Variants in U2AF2 observed in about 807,000 individuals in gnomAD.
U2AF2 encodes U2 small nuclear RNA auxiliary factor 2.
A neutral mutation model predicts 52.6 loss-of-function variants in U2AF2; 6 were observed. The observed-to-expected ratio is 0.11, with a 90% CI of 0.06 to 0.23. The LOEUF (loss-of-function observed/expected upper bound fraction) is 0.23, where lower values mean the gene tolerates loss of function less well. U2AF2 is among the 10% of genes least tolerant of loss of function. The pLI is 1.00. For missense variants in U2AF2, 222 were observed against 677.1 expected (o/e 0.33, Z 7.46); for synonymous variants, 284 against 258.2 (o/e 1.10, Z -0.96).
chr19:55,665,841 G>A (rs898602995), intron 7 of U2AF2, among the ~76,000 whole-genome samples: 3 of 152,176 alleles, frequency 2.0e-5, no homozygotes, highest in African/African-American at 7.2e-5. Flanking sequence ...TAGAGATGGG[G>A]TTTCACCATG....
chr19:55,662,263 A>G (rs1388126962), intron 5 of U2AF2: 3 of 431,470 alleles, frequency 7.0e-6, no homozygotes, highest in African/African-American at 4.0e-5. Context: ...ACGCCTGTCC[A>G]TCGCCTGCCC....
rs11376705 is a variant in U2AF2, at chr19:55,673,322, C to CTT, written c.1294-601_1294-600dup. 4.8e-3 allele frequency among the ~76,000 whole-genome samples: 708 copies of CTT among 146,364 alleles called. 3 individuals are homozygous for CTT. The highest frequency in any genetic ancestry group is 0.011 in the Middle Eastern group (3 of 284). On this transcript the variant is annotated intron_variant, in intron 11 of 11. Transcript: ENST00000308924. The stretch of plus-strand genomic sequence containing the variant: ...ATTTATCCTTTGTACCTCACTCCCT[C>CTT]TTTTTTTTTTTTGCAAGCTCTTTTA...
At chr19:55,665,862 T>C (rs927402563) in intron 7 of U2AF2, among the ~76,000 whole-genome samples, 6 of 152,222 alleles carry the variant, frequency 3.9e-5, no homozygotes, top group African/African-American at 1.4e-4. Context: ...TTGGCCAGGC[T>C]GGTCTCAAAC....
At position 55,668,577 on chromosome 19, in the gene U2AF2, C is replaced by T. The variant is rs1211305812; in HGVS notation, c.813C>T (p.Asn271=). The T allele has an allele frequency of 1.2e-6, 2 of 1,607,240 alleles. No individual in the cohort carries two copies. The highest frequency in any genetic ancestry group is 1.7e-6 in the Non-Finnish European group (2 of 1,175,966). The change falls in exon 8 of 12, where the codon AAC becomes AAT. Residue 271 remains asparagine (N), a synonymous_variant. Coordinates refer to ENST00000308924, the MANE Select transcript of U2AF2 (RefSeq NM_007279.3). The surrounding 1 kb of genome is among the most constrained non-coding windows in gnomAD (Gnocchi z 5.5). ...TCGGGGGCTTACCCAACTACCTGAA[C>T]GATGACCAGGTAACTTCCCTGCCTC... The part of the protein sequence containing the change: ...LFIGGLPNYL[N]DDQVKELLTS...
At chr19:55,655,219 C>T in intron 1 of U2AF2, 66 bp downstream of exon 1, 1 of 1,516,902 alleles carries the variant, frequency 6.6e-7, no homozygotes, top group African/African-American at 1.4e-5. Flanking sequence ...TGCCCCCCCG[C>T]CATTTTCTCC....
intron 2 of U2AF2, among the ~76,000 whole-genome samples, 192 bp downstream of exon 2, chr19:55,659,537 G>T (rs960541049): frequency 1.3e-5 from 2 of 151,920 alleles, no homozygotes; most frequent in African/African-American, 2.4e-5. Context: ...CCGTTTCTGG[G>T]GTTTCTTTCA....
In U2AF2 at chr19:55,663,752, G is replaced by A. The variant is rs200495335; in HGVS notation, c.742+8G>A. On this transcript the variant is annotated splice_region_variant and intron_variant, in intron 7 of 11. Transcript: ENST00000308924. ...CCTCCGTCTATGTGCCTGGTGAGTG[G>A]GGGATCCATTAAGGGCCCCTTTCTC... 4 of 1,613,882 alleles carry A rather than the reference G, an allele frequency of 2.5e-6. No individual in the cohort carries two copies. In the Admixed American group the frequency reaches 5.0e-5, roughly 20 times the overall value.
At chr19:55,665,837 T>C (rs1984514948) in intron 7 of U2AF2, among the ~76,000 whole-genome samples, 1 of 152,182 alleles carries the variant, frequency 6.6e-6, no homozygotes, top group Non-Finnish European at 1.5e-5. Flanking sequence ...TTAGTAGAGA[T>C]GGGGTTTCAC....
intron 5 of U2AF2, 38 bp from the exon 6 acceptor site, chr19:55,662,455 CACCTCCCTT>C: frequency 9.7e-7 from 1 of 1,026,600 alleles, no homozygotes; most frequent in Non-Finnish European, 1.4e-6. Context: ...CTCCTCTCTC[CACCTCCCTT>C]CCCCCGCCCC....
intron 3 of U2AF2, 108 bp downstream of exon 3, chr19:55,660,329 A>G (rs1267773833): frequency 7.5e-7 from 1 of 1,330,884 alleles, no homozygotes; most frequent in Non-Finnish European, 1.0e-6. Context: ...AGCACTGGGA[A>G]GAGTCCACTT....
chr19:55,667,882 T>C (rs975796995), intron 7 of U2AF2, among the ~76,000 whole-genome samples: 18 of 151,826 alleles, frequency 1.2e-4, no homozygotes, highest in Non-Finnish European at 2.1e-4. Flanking sequence ...GCCTCCTGGG[T>C]TCACGCCATT....
chr19:55,669,274 T>C, intron 10 of U2AF2, 93 bp downstream of exon 10: 10 of 1,561,248 alleles, frequency 6.4e-6, no homozygotes, highest in Non-Finnish European at 8.7e-6. Flanking sequence ...CCAGCTTTCA[T>C]GGGAAGGCAT....
In U2AF2 at chr19:55,669,717, T is replaced by C. The variant is rs770341209; in HGVS notation, c.1293+25T>C. On this transcript the variant is annotated intron_variant, in intron 11 of 11. Transcript: ENST00000308924. The stretch of plus-strand genomic sequence containing the variant: ...GGTCAGGAGGCCTCGGGCTCAGTGC[T>C]CTCTCACCCTCTGCCCCTCCTCTTC... 5.1e-6 allele frequency: 8 copies of C among 1,568,428 alleles called. No individual in the cohort carries two copies. The African/African-American group carries it at 9.4e-5, about 19-fold the overall frequency.
rs1984100885 is a variant in U2AF2 at position 55,660,418 on chromosome 19, G to GCGGGGAGGGTGAAAGGGTGC, written c.231-96_231-77dup. 2.1e-4 allele frequency: 240 copies of GCGGGGAGGGTGAAAGGGTGC among 1,123,970 alleles called. 1 individual carries two copies. The South Asian group carries it at 3.3e-3, about 16-fold the overall frequency. The allele number at this position is 1,123,970 out of a possible 1,614,324, so 69.6% of individuals were successfully genotyped here. A position where few individuals can be genotyped will look rare whatever the true frequency, so the allele number is the denominator to read the frequency against. On this transcript the variant is annotated intron_variant, in intron 3 of 11. Coordinates refer to ENST00000308924, the MANE Select transcript of U2AF2 (RefSeq NM_007279.3). Reference sequence around the variant, plus strand: ...TGGAGAGAGTGGAGCTTACATGGTTGCGGGGAGGGTGAAAGGGTGCCTGGG... The same window carrying GCGGGGAGGGTGAAAGGGTGC: ...TGGAGAGAGTGGAGCTTACATGGTTGCGGGGAGGGTGAAAGGGTGCCGGGGAGGGTGAAAGGGTGCCTGGG...
chr19:55,672,890 G>A (rs1045753507), intron 11 of U2AF2, among the ~76,000 whole-genome samples: 3 of 151,714 alleles, frequency 2.0e-5, no homozygotes, highest in Admixed American at 6.6e-5. Context: ...TGAGCCGCCC[G>A]TCTTGGCCTC....
At position 55,659,303 on chromosome 19, in the gene U2AF2, A is replaced by G; in HGVS notation, c.143A>G (p.Asn48Ser). 1 of 1,590,746 alleles carries G rather than the reference A, an allele frequency of 6.3e-7. No individual in the cohort carries two copies. The highest frequency in any genetic ancestry group is 8.6e-7 in the Non-Finnish European group (1 of 1,167,462). Residue 48 changes from asparagine (N) to serine (S), a missense_variant, in exon 2 of 12, where the codon AAC becomes AGC. Coordinates refer to ENST00000308924, the MANE Select transcript of U2AF2 (RefSeq NM_007279.3). ...KRRSRSRDRRNRDQRSASRDR... is the reference protein window; with the variant it reads ...KRRSRSRDRRSRDQRSASRDR... ...CGGAGCCGGAGCCGCGACCGGCGCA[A>G]CCGGGACCAGCGGAGCGCCTCCCGG... is the stretch of plus-strand genomic sequence containing the variant.
rs1226891375 is a variant in U2AF2, at chr19:55,669,429, C to T, written c.1045-15C>T. On this transcript the variant is annotated splice_polypyrimidine_tract_variant and intron_variant, in intron 10 of 11. Transcript: ENST00000308924. ...TGGGCCCCCTGTGACGCCGCTGCCTCCCCTGGCCCCACAGAGCACCATCAA... is the reference window on the plus strand; with the variant it reads ...TGGGCCCCCTGTGACGCCGCTGCCTTCCCTGGCCCCACAGAGCACCATCAA... 7 of 1,585,378 alleles carry T rather than the reference C, an allele frequency of 4.4e-6. No individual in the cohort carries two copies. Among genetic ancestry groups the T allele is most frequent in the South Asian group, 1.1e-5 (1 of 87,538 alleles).
chr19:55,655,297 C>T (rs1372484724), intron 1 of U2AF2, 144 bp downstream of exon 1: 26 of 906,606 alleles, frequency 2.9e-5, no homozygotes, highest in Non-Finnish European at 4.0e-5. Flanking sequence ...GCGCCTCGTT[C>T]ACGTGACGTC....
intron 7 of U2AF2, among the ~76,000 whole-genome samples, chr19:55,667,809 G>T (rs1264696237): frequency 1.3e-5 from 2 of 150,704 alleles, no homozygotes; most frequent in African/African-American, 4.9e-5. Flanking sequence ...CCTTTGAGAT[G>T]GAGTCTCACT....
Sources: allele counts gnomAD v4.1 joint callset (sites outside exome capture counted in the v4.1 genomes callset), GRCh38; gene constraint gnomAD v4.1.1; non-coding constraint Gnocchi (gnomAD v3.1); transcripts MANE v1.5; gene names NCBI Gene and HGNC (gene_info 2026-07-23, HGNC 2026-07-21).